MED13: variants seen among roughly 807,000 people sequenced by gnomAD.
The protein encoded by MED13 is mediator complex subunit 13.
A neutral mutation model predicts 225.2 loss-of-function variants in MED13; 23 were observed. The ratio of observed to expected loss-of-function variants is 0.10; its 90% CI spans 0.07 to 0.14. The LOEUF is 0.14. MED13 is among the 10% of genes least tolerant of loss of function. The pLI, the probability that MED13 is intolerant of heterozygous loss-of-function variation, is 1.00. For synonymous variants in MED13, 942 were observed against 889.2 expected, an observed-to-expected ratio of 1.06 and a Z score of -1.06; for missense variants, 2,197 against 2,594.5, an observed-to-expected ratio of 0.85 and a Z score of 3.33.
At chr17:62,002,747 T>A (rs2080407433) in intron 9 of MED13, among the ~76,000 whole-genome samples, 1 of 152,188 alleles carries the variant, frequency 6.6e-6, no homozygotes, top group Non-Finnish European at 1.5e-5. Context: ...AAAGACCATG[T>A]CAAGTATCTC....
intron 15 of MED13, 93 bp from the exon 16 acceptor site, chr17:61,983,207 C>A: frequency 9.9e-7 from 1 of 1,010,554 alleles, no homozygotes. Flanking sequence ...AAATGTTTTT[C>A]AATTACATAG....
chr17:61,947,722 G>A (rs974498592), intron 28 of MED13, among the ~76,000 whole-genome samples: 1 of 152,098 alleles, frequency 6.6e-6, no homozygotes, highest in Non-Finnish European at 1.5e-5. Flanking sequence ...CATAATAGAG[G>A]GTAGGTAAAA....
At chr17:61,994,472 T>A (rs1603399132) in intron 10 of MED13, among the ~76,000 whole-genome samples, 2 of 152,342 alleles carry the variant, frequency 1.3e-5, no homozygotes, top group South Asian at 4.1e-4. Flanking sequence ...AAATAGCACA[T>A]ATTTTTTAAA....
rs1291969847 is a variant in MED13, at chr17:61,944,711, G to C, written c.*1757C>G. 6.6e-6 allele frequency: 1 copy of C among 152,456 alleles called. No homozygotes were observed. Among genetic ancestry groups the C allele is most frequent in the Non-Finnish European group, 1.5e-5 (1 of 68,012 alleles). The allele number at this position is 152,456 out of a possible 1,614,324, so 9.4% of individuals were successfully genotyped here. A position where few individuals can be genotyped will look rare whatever the true frequency, so the allele number is the denominator to read the frequency against. ...AAAAACTAAAACAAACACTGAAGTA[G>C]AGTTTTGTAAATACAACTGATTTTG... On this transcript the variant is annotated 3_prime_UTR_variant, in exon 30 of 30. Transcript: ENST00000397786.
chr17:62,020,623 C>T (rs1603403671), intron 8 of MED13, among the ~76,000 whole-genome samples: 1 of 150,544 alleles, frequency 6.6e-6, no homozygotes, highest in Non-Finnish European at 1.5e-5. Context: ...TCGTGATCCT[C>T]CCGCCTTGGC....
chr17:62,034,724 C>T (rs2080787792), intron 4 of MED13, among the ~76,000 whole-genome samples: 1 of 152,218 alleles, frequency 6.6e-6, no homozygotes, highest in Admixed American at 6.5e-5. Context: ...CACTGCCAAG[C>T]CTTAGAGGCA....
Position 61,955,699 on chromosome 17 carries a change from G to C in MED13, c.5763C>G (p.Gly1921=). Reference sequence around the variant, plus strand: ...GCTAACCTGGCATAATAACAAAAGAGCCTTGCGGCTCCATTGCCACCAAGC... The same window carrying C: ...GCTAACCTGGCATAATAACAAAAGACCCTTGCGGCTCCATTGCCACCAAGC... ...SACLVAMEPQ[G]SFVIMPDSVS... The change falls in exon 25 of 30, where the codon GGC becomes GGG. Residue 1921 remains glycine (G), a synonymous_variant. Coordinates refer to ENST00000397786, the MANE Select transcript of MED13 (RefSeq NM_005121.3). 6.2e-7 allele frequency: 1 copy of C among 1,602,124 alleles called. No homozygotes were observed. Among genetic ancestry groups the C allele is most frequent in the Non-Finnish European group, 8.5e-7 (1 of 1,176,976 alleles).
intron 11 of MED13, among the ~76,000 whole-genome samples, chr17:61,990,221 C>A (rs760691545): frequency 1.3e-5 from 2 of 152,048 alleles, no homozygotes; most frequent in Non-Finnish European, 2.9e-5. Flanking sequence ...CTCACCCACA[C>A]GCACAAAAAA....
rs186484102 is a variant in MED13 at position 62,058,573 on chromosome 17, A to G, written c.301+4494T>C. On this transcript the variant is annotated intron_variant, in intron 2 of 29. Transcript: ENST00000397786. ...AAAGAAAGAAAAAAGCTGTAACCCC[A>G]AAGGAGTTTTATTCCCTAATCCTTT... is the stretch of plus-strand genomic sequence containing the variant. Among the ~76,000 whole-genome samples the G allele has an allele frequency of 1.6e-3, 236 of 151,920 alleles. 2 individuals carry two copies. Among genetic ancestry groups the G allele is most frequent in the African/African-American group, 5.3e-3 (221 of 41,474 alleles).
chr17:61,983,059 T>C lies in MED13; in HGVS notation c.2944A>G (p.Thr982Ala), dbSNP rs545669964. ...YGTAYTPQTH[T>A]SFGMPPSSAP... ...CTGCTAGGAGGCATCCCAAAAGAAG[T>C]ATGAGTTTGAGGTGTATAAGCAGTG... The change falls in exon 16 of 30, where the codon ACT (threonine) becomes GCT (alanine). Residue 982 changes from threonine to alanine, a missense_variant. Coordinates refer to ENST00000397786, the MANE Select transcript of MED13 (RefSeq NM_005121.3). 2.3e-5 allele frequency: 37 copies of C among 1,613,672 alleles called. No individual in the cohort carries two copies. The African/African-American group carries it at 4.1e-4, about 18-fold the overall frequency.
intron 8 of MED13, among the ~76,000 whole-genome samples, chr17:62,026,850 G>C (rs2143660425): frequency 6.6e-6 from 1 of 152,198 alleles, no homozygotes; most frequent in South Asian, 2.1e-4. Flanking sequence ...GCCACAAAAA[G>C]AGTAAAATAA....
At chr17:61,975,762 T>A (rs2143425053) in intron 16 of MED13, among the ~76,000 whole-genome samples, 1 of 152,206 alleles carries the variant, frequency 6.6e-6, no homozygotes, top group African/African-American at 2.4e-5. Context: ...ATGCCTGTAA[T>A]CCCAGCACTT....
intron 9 of MED13, 114 bp downstream of exon 9, chr17:62,010,436 A>C (rs1481253377): frequency 3.2e-6 from 2 of 623,120 alleles, no homozygotes; most frequent in African/African-American, 3.8e-5. Context: ...GTTAATACTC[A>C]ATGAATTTAT....
At chr17:62,022,060 CAG>C (rs2143643381) in intron 8 of MED13, among the ~76,000 whole-genome samples, 1 of 151,544 alleles carries the variant, frequency 6.6e-6, no homozygotes, top group South Asian at 2.1e-4. Context: ...ACCAGCTACT[CAG>C]GAGGCTGAGG....
intron 24 of MED13, 55 bp from the exon 25 acceptor site, chr17:61,955,893 G>T (rs1428432869): frequency 1.4e-6 from 2 of 1,429,194 alleles, no homozygotes; most frequent in East Asian, 5.3e-5. Flanking sequence ...CAAAGTAACA[G>T]CATTATTAAT....
At chr17:61,998,920 T>C (rs1051658265) in intron 9 of MED13, among the ~76,000 whole-genome samples, 4 of 123,672 alleles carry the variant, frequency 3.2e-5, no homozygotes, top group Non-Finnish European at 6.4e-5. Context: ...ACTTTTTAAA[T>C]GGTACTTTTT....
rs771218532 is a variant in MED13, at chr17:61,983,108, T to C, written c.2895A>G (p.Gly965=). Residue 965 remains glycine, a synonymous_variant, in exon 16 of 30, where the codon GGA becomes GGG. Coordinates refer to ENST00000397786, the MANE Select transcript of MED13 (RefSeq NM_005121.3). Reference sequence around the variant, plus strand: ...TGCCATATTCTTGATCCATATTACTTCCATCACTATCATCACCAGGGTAAA... The same window carrying C: ...TGCCATATTCTTGATCCATATTACTCCCATCACTATCATCACCAGGGTAAA... ...PSMPFIKEGD[G]SNMDQEYGTA... 28 of 1,598,714 alleles carry C rather than the reference T, an allele frequency of 1.8e-5. No individual in the cohort carries two copies. The highest frequency in any genetic ancestry group is 3.4e-5 in the Admixed American group (2 of 58,430).
intron 16 of MED13, among the ~76,000 whole-genome samples, chr17:61,979,169 A>T (rs2080182322): frequency 6.6e-6 from 1 of 152,186 alleles, no homozygotes; most frequent in African/African-American, 2.4e-5. Flanking sequence ...GACTATATGT[A>T]ATCTTCTGGG....
chr17:61,967,102 C>T (rs908817865), intron 18 of MED13, among the ~76,000 whole-genome samples: 1 of 152,082 alleles, frequency 6.6e-6, no homozygotes, highest in African/African-American at 2.4e-5. Flanking sequence ...ACACCTTCTC[C>T]CTCTAGTTCT....
Sources: allele counts gnomAD v4.1 joint callset (sites outside exome capture counted in the v4.1 genomes callset), GRCh38; gene constraint gnomAD v4.1.1; transcripts MANE v1.5; gene names NCBI Gene and HGNC (gene_info 2026-07-23, HGNC 2026-07-21).